RBM45: variants seen among roughly 807,000 people sequenced by gnomAD.
RBM45 encodes the protein RNA-binding protein 45.
A neutral mutation model predicts 58.5 loss-of-function variants in RBM45; 39 were observed. The observed-to-expected ratio is 0.67, with a 90% CI of 0.52 to 0.87. The LOEUF is 0.87. Among genes scored for constraint, RBM45 ranks in the 40% least tolerant of loss-of-function variants. The pLI is 0.00. For missense variants in RBM45, 481 were observed against 581.6 expected, an observed-to-expected ratio of 0.83 and a Z score of 1.78; for synonymous variants, 193 against 203.0, an observed-to-expected ratio of 0.95 and a Z score of 0.42.
downstream of RBM45, among the ~76,000 whole-genome samples, chr2:178,134,534 C>T (rs763504169): frequency 1.3e-5 from 2 of 151,142 alleles, no homozygotes; most frequent in Non-Finnish European, 2.9e-5. Context: ...TTCATTAGCT[C>T]AGAGTTTTTA....
At chr2:178,134,939 G>A (rs1200337747) in intron 3 of RBM45, among the ~76,000 whole-genome samples, 5 of 152,158 alleles carry the variant, frequency 3.3e-5, no homozygotes, top group African/African-American at 9.7e-5. Context: ...AGGCTGACGC[G>A]GAGGTTGCAG....
In RBM45 at chr2:178,120,258, G is replaced by A. The variant is rs181131236; in HGVS notation, c.551-29G>A. On this transcript the variant is annotated intron_variant, in intron 3 of 9. Coordinates refer to ENST00000286070, the MANE Select transcript of RBM45 (RefSeq NM_152945.4). ...TTTGCAGGTATGTTAAATTTGCTGT[G>A]AAACTTGAAATTCATGGGGTTTTTT... 1.3e-4 allele frequency: 215 copies of A among 1,611,302 alleles called. No individual in the cohort carries two copies. The African/African-American group carries it at 2.4e-3, about 18-fold the overall frequency.
At position 178,112,827 on chromosome 2, in the gene RBM45, A is replaced by C. The variant is rs764322049; in HGVS notation, c.281A>C (p.Asn94Thr). The change falls in exon 1 of 10, where the codon AAC becomes ACC. Residue 94 changes from asparagine (N) to threonine (T), a missense_variant. Transcript: ENST00000286070. ...ATGCATGGCCAGTGCCTCGGCCCCA[A>C]CGACACCAAGCCCATCAAGGTGCGG... is the stretch of plus-strand genomic sequence containing the variant. ...EEMHGQCLGP[N>T]DTKPIKVFIA... The C allele has an allele frequency of 2.7e-5, 43 of 1,609,658 alleles. No homozygotes were observed. The highest frequency in any genetic ancestry group is 3.6e-5 in the Non-Finnish European group (42 of 1,176,724).
chr2:178,138,520 G>A (rs890137460), exon 4 of RBM45: 5 of 152,128 alleles, frequency 3.3e-5, no homozygotes, highest in African/African-American at 9.7e-5. Flanking sequence ...ATGGAGCAAT[G>A]TCTGTAGTTT....
chr2:178,127,140 G>A (rs2087942904), intron 9 of RBM45, among the ~76,000 whole-genome samples: 1 of 151,952 alleles, frequency 6.6e-6, no homozygotes, highest in South Asian at 2.1e-4. Context: ...GTTTCACCGT[G>A]TTTCGATCTC....
downstream of RBM45, among the ~76,000 whole-genome samples, chr2:178,131,252 T>G (rs2088001994): frequency 6.6e-6 from 1 of 152,222 alleles, no homozygotes; most frequent in Non-Finnish European, 1.5e-5. Context: ...TACAAGTTAT[T>G]GGGCTCTGCC....
At chr2:178,118,854 A>C (rs1480226572) in intron 3 of RBM45, among the ~76,000 whole-genome samples, 1 of 152,202 alleles carries the variant, frequency 6.6e-6, no homozygotes, top group Non-Finnish European at 1.5e-5. Context: ...ACTGTTAATC[A>C]GTAGAATTCT....
downstream of RBM45, among the ~76,000 whole-genome samples, chr2:178,130,262 T>C (rs573103056): frequency 6.6e-5 from 10 of 152,260 alleles, no homozygotes; most frequent in Admixed American, 6.5e-4. Context: ...TCACCACACT[T>C]ATAATCCTGG....
chr2:178,119,638 G>C (rs1179368149), intron 3 of RBM45, among the ~76,000 whole-genome samples: 1 of 152,160 alleles, frequency 6.6e-6, no homozygotes, highest in Non-Finnish European at 1.5e-5. Flanking sequence ...AATTCAAACT[G>C]GCTGGTTTTA....
At chr2:178,122,381 G>A (rs192034150) in intron 5 of RBM45, among the ~76,000 whole-genome samples, 1 of 152,088 alleles carries the variant, frequency 6.6e-6, no homozygotes, top group East Asian at 1.9e-4. Context: ...TGGTCATGTG[G>A]ACCAACAGGA....
In RBM45 at chr2:178,112,721, G is replaced by A. The variant is rs1206928285; in HGVS notation, c.175G>A (p.Asp59Asn). The A allele has an allele frequency of 1.9e-6, 3 of 1,614,110 alleles. No homozygotes were observed. Among genetic ancestry groups the A allele is most frequent in the South Asian group, 1.1e-5 (1 of 91,094 alleles). ...GDIQDIWVVR[D>N]KHTKESKGIA... ...CATCCAGGACATCTGGGTGGTGCGG[G>A]ACAAGCACACCAAGGAGTCCAAGGG... is the stretch of plus-strand genomic sequence containing the variant. The change falls in exon 1 of 10, where the codon GAC becomes AAC. Residue 59 changes from aspartate to asparagine, a missense_variant. Asp to Asn is a conservative substitution (Grantham distance 23). Coordinates refer to ENST00000286070, the MANE Select transcript of RBM45 (RefSeq NM_152945.4).
intron 1 of RBM45, among the ~76,000 whole-genome samples, chr2:178,114,210 C>T (rs1238559050): frequency 6.6e-6 from 1 of 152,178 alleles, no homozygotes; most frequent in African/African-American, 2.4e-5. Flanking sequence ...ACAATTATTA[C>T]ATCATGGGCT....
In RBM45 at chr2:178,121,345, C is replaced by T. The variant is rs766543405; in HGVS notation, c.839C>T (p.Pro280Leu). 3.2e-6 allele frequency: 5 copies of T among 1,551,734 alleles called. No homozygotes were observed. The highest frequency in any genetic ancestry group is 3.4e-4 in the Middle Eastern group (2 of 5,798). The change falls in exon 5 of 10, where the codon CCT becomes CTT. Residue 280 changes from proline (P) to leucine (L), a missense_variant. Coordinates refer to ENST00000286070, the MANE Select transcript of RBM45 (RefSeq NM_152945.4). ...GLEYCEVQRD[P>L]YSNYGHGVVQ... is the part of the protein sequence containing the mutation. ...GAATATTGTGAAGTTCAACGAGATC[C>T]TTATTCAAATTATGGTAAAATAATG...
exon 4 of RBM45, chr2:178,138,570 T>G (rs546362818): frequency 6.6e-6 from 1 of 152,224 alleles, no homozygotes; most frequent in Admixed American, 6.5e-5. Flanking sequence ...ATTGTAAAGG[T>G]AACAGGCATT....
Position 178,123,632 on chromosome 2 carries a change from G to A in RBM45, c.964G>A (p.Asp322Asn). Residue 322 changes from aspartate (D) to asparagine (N), a missense_variant, in exon 6 of 10, where the codon GAT (aspartate) becomes AAT (asparagine). Coordinates refer to ENST00000286070, the MANE Select transcript of RBM45 (RefSeq NM_152945.4). The stretch of plus-strand genomic sequence containing the variant: ...CCGAATAGGTGTTTCCTTCATTGAT[G>A]ATGGAAGTAATGCAACAGAGTAAGT... ...GNRIGVSFID[D>N]GSNATDLLRK... 2 of 1,606,894 alleles carry A rather than the reference G, an allele frequency of 1.2e-6. No individual in the cohort carries two copies. The highest frequency in any genetic ancestry group is 1.7e-6 in the Non-Finnish European group (2 of 1,177,798).
intron 3 of RBM45, among the ~76,000 whole-genome samples, chr2:178,119,299 A>G (rs553657518): frequency 1.2e-4 from 18 of 152,354 alleles, no homozygotes; most frequent in Non-Finnish European, 1.6e-4. Context: ...TGAGCATGGC[A>G]ACACATGCCG....
intron 8 of RBM45, 193 bp from the exon 9 acceptor site, chr2:178,125,791 G>C (rs763610439): frequency 1.4e-6 from 1 of 708,070 alleles, no homozygotes; most frequent in African/African-American, 1.8e-5. Context: ...TTAAGGAAAA[G>C]ATGATGGTCT....
intron 3 of RBM45, among the ~76,000 whole-genome samples, chr2:178,119,134 GTA>G (rs1373792257): frequency 3.3e-5 from 5 of 152,216 alleles, no homozygotes; most frequent in Admixed American, 1.3e-4. Flanking sequence ...GTCACTCCAG[GTA>G]TCTAGTACAA....
At position 178,123,580 on chromosome 2, in the gene RBM45, A is replaced by G. The variant is rs757171077; in HGVS notation, c.912A>G (p.Leu304=). ...VASAIYAKYK[L]HGFQYPPGNR... is the part of the protein sequence containing the mutation. ...CAGCTATTTATGCAAAATACAAATT[A>G]CATGGATTTCAGTACCCTCCTGGGA... is the stretch of plus-strand genomic sequence containing the variant. The change falls in exon 6 of 10, where the codon TTA becomes TTG. Residue 304 remains leucine, a synonymous_variant. Transcript: ENST00000286070. 1.2e-6 allele frequency: 2 copies of G among 1,609,214 alleles called. No individual in the cohort carries two copies. The highest frequency in any genetic ancestry group is 1.7e-6 in the Non-Finnish European group (2 of 1,178,558).
Sources: allele counts gnomAD v4.1 joint callset (sites outside exome capture counted in the v4.1 genomes callset), GRCh38; gene constraint gnomAD v4.1.1; transcripts MANE v1.5; gene names NCBI Gene and HGNC (gene_info 2026-07-23, HGNC 2026-07-21).